Variants in ZNF804B observed in about 807,000 individuals in gnomAD.
The protein encoded by ZNF804B is zinc finger 804B.
Under a neutral mutation model 101.4 loss-of-function variants are expected in ZNF804B, and 80 were observed. The observed-to-expected ratio is 0.79, with a 90% CI of 0.66 to 0.95. ZNF804B has a LOEUF of 0.95. Among genes scored for constraint, ZNF804B ranks in the 40% least tolerant of loss-of-function variants. The pLI is 0.00. For missense variants in ZNF804B, 1,673 were observed against 1,561.9 expected, an observed-to-expected ratio of 1.07 and a Z score of -1.20; for synonymous variants, 622 against 558.8, an observed-to-expected ratio of 1.11 and a Z score of -1.59.
chr7:89,271,156 G>C lies in ZNF804B; in HGVS notation c.249+52861G>C, dbSNP rs137938209. The stretch of plus-strand genomic sequence containing the variant: ...CCCTGTCTTGTGCCAGTTTTCAAAG[G>C]GAATGCTTCCAGTTTTTGCTTATTC... On this transcript the variant is annotated intron_variant, in intron 2 of 3. Transcript: ENST00000333190. Among the ~76,000 whole-genome samples the C allele has an allele frequency of 1.9e-3, 282 of 152,234 alleles. 1 individual carries two copies. The highest frequency in any genetic ancestry group is 6.5e-3 in the African/African-American group (271 of 41,532).
At chr7:88,941,262 G>A (rs143369365) in intron 1 of ZNF804B, among the ~76,000 whole-genome samples, 1 of 152,054 alleles carries the variant, frequency 6.6e-6, no homozygotes, top group African/African-American at 2.4e-5. Context: ...GGACTCCTTG[G>A]TATTTACCCA....
rs1790812254 is a variant in ZNF804B at position 89,321,089 on chromosome 7, A to G, written c.250-6255A>G. 1.3e-5 allele frequency among the ~76,000 whole-genome samples: 2 copies of G among 152,206 alleles called. 1 individual carries two copies. The highest frequency in any genetic ancestry group is 4.1e-4 in the South Asian group (2 of 4,838). On this transcript the variant is annotated intron_variant, in intron 2 of 3. Transcript: ENST00000333190. ...CATGTATACTGAAATGAAGTATATG[A>G]CACCAAAACATGACATATTGAAGAG...
chr7:88,852,518 T>G lies in ZNF804B; in HGVS notation c.108+92434T>G, dbSNP rs375272710. On this transcript the variant is annotated intron_variant, in intron 1 of 3. Coordinates refer to ENST00000333190, the MANE Select transcript of ZNF804B (RefSeq NM_181646.5). The stretch of plus-strand genomic sequence containing the variant: ...TGGCCACTCCCAATAAGACTCAGAT[T>G]AAAAATGACTGACCCCATGAGGAAA... Among the ~76,000 whole-genome samples the G allele has an allele frequency of 2.0e-4, 31 of 152,164 alleles. No individual in the cohort carries two copies. In the South Asian group the frequency reaches 6.2e-3, roughly 31 times the overall value.
chr7:89,281,061 A>G (rs1004019710), intron 2 of ZNF804B, among the ~76,000 whole-genome samples: 1 of 152,180 alleles, frequency 6.6e-6, no homozygotes, highest in Non-Finnish European at 1.5e-5. Context: ...TTAACAGCAT[A>G]ATTGTATTCT....
intron 1 of ZNF804B, among the ~76,000 whole-genome samples, chr7:88,876,338 G>A (rs1583991482): frequency 6.6e-6 from 1 of 152,130 alleles, no homozygotes; most frequent in African/African-American, 2.4e-5. Flanking sequence ...ATAGGGATAT[G>A]TTTAAATTAG....
At chr7:88,845,281 ACGCG>A (rs746899354) in intron 1 of ZNF804B, among the ~76,000 whole-genome samples, 31 of 128,906 alleles carry the variant, frequency 2.4e-4, no homozygotes, top group Admixed American at 3.1e-4. Flanking sequence ...ATGTGTGCGC[ACGCG>A]CGCGCGCACG....
intron 1 of ZNF804B, among the ~76,000 whole-genome samples, chr7:88,816,675 A>G (rs1026897587): frequency 1.4e-5 from 2 of 144,958 alleles, no homozygotes; most frequent in Non-Finnish European, 3.0e-5. Context: ...AATCAAAACC[A>G]CAATGAGATA....
At chr7:89,000,790 GT>G (rs1788273839) in intron 1 of ZNF804B, among the ~76,000 whole-genome samples, 1 of 37,522 alleles carries the variant, frequency 2.7e-5, no homozygotes, top group Non-Finnish European at 8.9e-5. Flanking sequence ...TTTCACTCAT[GT>G]TGTTGCAAAT....
intron 1 of ZNF804B, among the ~76,000 whole-genome samples, chr7:88,818,197 T>C (rs1227453786): frequency 6.6e-6 from 1 of 152,184 alleles, no homozygotes; most frequent in Admixed American, 6.5e-5. Flanking sequence ...CCATGAAGCA[T>C]AACATTATAT....
At chr7:89,328,874 C>G (rs1790933982) in intron 3 of ZNF804B, among the ~76,000 whole-genome samples, 1 of 151,748 alleles carries the variant, frequency 6.6e-6, no homozygotes, top group Non-Finnish European at 1.5e-5. Flanking sequence ...TACATTTCTG[C>G]TTACCCATTC....
At chr7:89,111,081 T>A (rs918501124) in intron 1 of ZNF804B, among the ~76,000 whole-genome samples, 7 of 152,228 alleles carry the variant, frequency 4.6e-5, no homozygotes, top group Admixed American at 1.3e-4. Context: ...TTGTCATTTT[T>A]AAATAATATT....
At chr7:89,218,119 G>C (rs1232214367) in intron 1 of ZNF804B, 36 bp from the exon 2 acceptor site, 3 of 1,594,562 alleles carry the variant, frequency 1.9e-6, no homozygotes, top group African/African-American at 1.4e-5. Context: ...CTATTAGAGA[G>C]AAGTCTAACC....
chr7:89,296,338 CCT>C (rs1790383878), intron 2 of ZNF804B, among the ~76,000 whole-genome samples: 1 of 151,744 alleles, frequency 6.6e-6, no homozygotes, highest in Non-Finnish European at 1.5e-5. Context: ...AAATGTTTGA[CCT>C]CTTTATTTTC....
chr7:88,857,750 T>C (rs1171699344), intron 1 of ZNF804B, among the ~76,000 whole-genome samples: 1 of 151,652 alleles, frequency 6.6e-6, no homozygotes, highest in Non-Finnish European at 1.5e-5. Context: ...GGAATCCTCC[T>C]TCATTTTATG....
intron 1 of ZNF804B, among the ~76,000 whole-genome samples, chr7:89,110,378 A>G (rs1051145436): frequency 1.3e-5 from 2 of 152,154 alleles, no homozygotes; most frequent in African/African-American, 4.8e-5. Context: ...TTTGGAAGCA[A>G]TGTGGTAGAT....
At chr7:89,332,735 G>GC (rs1316587835) in intron 3 of ZNF804B, among the ~76,000 whole-genome samples, 1 of 151,798 alleles carries the variant, frequency 6.6e-6, no homozygotes, top group African/African-American at 2.4e-5. Context: ...TGAGTAAGAA[G>GC]CAGAAGAAAA....
chr7:89,012,398 A>T (rs141375404), intron 1 of ZNF804B, among the ~76,000 whole-genome samples: 2 of 152,152 alleles, frequency 1.3e-5, no homozygotes, highest in Non-Finnish European at 2.9e-5. Flanking sequence ...ATTTCTCCTC[A>T]GAAAATGGAT....
chr7:88,959,350 T>G (rs1266712992), intron 1 of ZNF804B, among the ~76,000 whole-genome samples: 2 of 151,424 alleles, frequency 1.3e-5, no homozygotes, highest in Non-Finnish European at 3.0e-5. Context: ...GGGTCCAGAT[T>G]GTTTGAGGGA....
rs138865511 is a variant in ZNF804B, at chr7:89,197,929, A to G, written c.109-20226A>G. On this transcript the variant is annotated intron_variant, in intron 1 of 3. Transcript: ENST00000333190. Reference sequence around the variant, plus strand: ...CAAATTGGATGCTTAGACATTACTAAAAGTTATTTAAATAATGACACCTTA... The same window carrying G: ...CAAATTGGATGCTTAGACATTACTAGAAGTTATTTAAATAATGACACCTTA... Among the ~76,000 whole-genome samples the G allele has an allele frequency of 3.9e-3, 586 of 151,902 alleles. 3 individuals are homozygous for G. The highest frequency in any genetic ancestry group is 0.014 in the African/African-American group (562 of 41,526).
Sources: gnomAD v4.1 joint callset for allele counts (sites outside exome capture counted in the v4.1 genomes callset) on GRCh38, gnomAD v4.1.1 for gene constraint, MANE v1.5 for transcripts, NCBI Gene and HGNC (gene_info 2026-07-23, HGNC 2026-07-21) for gene names.